Variants in RHOBTB1 observed in about 807,000 individuals in gnomAD.
The protein encoded by RHOBTB1 is Rho related BTB domain containing 1.
In RHOBTB1, 40 loss-of-function variants were observed where a neutral mutation model predicts 71.6. That is an observed-to-expected ratio of 0.56 (90% CI 0.43 to 0.73). RHOBTB1 has a LOEUF of 0.73. RHOBTB1 is among the 30% of genes least tolerant of loss of function. The pLI, the probability that RHOBTB1 is intolerant of heterozygous loss-of-function variation, is 0.00. For synonymous variants in RHOBTB1, 319 were observed against 334.9 expected (o/e 0.95, Z 0.52); for missense variants, 797 against 894.0 (o/e 0.89, Z 1.38).
intron 2 of RHOBTB1, among the ~76,000 whole-genome samples, chr10:60,936,339 T>C (rs1255725573): frequency 6.6e-6 from 1 of 152,264 alleles, no homozygotes; most frequent in Non-Finnish European, 1.5e-5. Context: ...ATTGAATTTA[T>C]AATATCAAGT....
intron 4 of RHOBTB1, among the ~76,000 whole-genome samples, chr10:60,896,374 G>A (rs1279241466): frequency 6.6e-6 from 1 of 152,208 alleles, no homozygotes; most frequent in African/African-American, 2.4e-5. Context: ...CAGGCAGTAG[G>A]GTTAGTCTAG....
At chr10:60,969,168 T>A (rs971677928) in intron 2 of RHOBTB1, among the ~76,000 whole-genome samples, 2 of 152,044 alleles carry the variant, frequency 1.3e-5, no homozygotes, top group Non-Finnish European at 2.9e-5. Flanking sequence ...GTAACATTAA[T>A]GGAAATAGAT....
chr10:60,982,440 C>T (rs2086529672), intron 2 of RHOBTB1, among the ~76,000 whole-genome samples: 1 of 152,152 alleles, frequency 6.6e-6, no homozygotes, highest in South Asian at 2.1e-4. Context: ...GTGCTCATTG[C>T]ATATATTACT....
At chr10:60,968,564 C>A (rs1336996090) in intron 2 of RHOBTB1, among the ~76,000 whole-genome samples, 4 of 152,052 alleles carry the variant, frequency 2.6e-5, no homozygotes, top group Admixed American at 6.6e-5. Context: ...CTTTGAGGAG[C>A]TGCAGAAAGC....
intron 1 of RHOBTB1, among the ~76,000 whole-genome samples, chr10:60,943,060 C>T (rs1210534501): frequency 1.3e-5 from 2 of 152,192 alleles, no homozygotes; most frequent in African/African-American, 2.4e-5. Context: ...TTTCCTAGAT[C>T]TGGGTGCCTC....
chr10:60,945,801 A>C (rs1232020912), upstream of RHOBTB1, among the ~76,000 whole-genome samples: 1 of 152,220 alleles, frequency 6.6e-6, no homozygotes, highest in Admixed American at 6.5e-5. Flanking sequence ...CTTTGATATC[A>C]GAAAGAGAGG....
chr10:60,883,974 C>T (rs1439943877), intron 7 of RHOBTB1, among the ~76,000 whole-genome samples: 4 of 152,164 alleles, frequency 2.6e-5, no homozygotes, highest in African/African-American at 9.6e-5. Context: ...CACCTTTGAC[C>T]CAAGCTCAGG....
At chr10:60,978,430 GT>G (rs1343194664) in intron 2 of RHOBTB1, among the ~76,000 whole-genome samples, 1 of 152,186 alleles carries the variant, frequency 6.6e-6, no homozygotes, top group African/African-American at 2.4e-5. Context: ...TCAAGTGGAA[GT>G]TATTAACATG....
At chr10:60,879,094 A>T (rs187970293) in intron 7 of RHOBTB1, among the ~76,000 whole-genome samples, 174 of 152,318 alleles carry the variant, frequency 1.1e-3, no homozygotes, top group African/African-American at 4.0e-3. Context: ...ACAGAAAAGG[A>T]AATGGAGGTT....
At chr10:60,988,098 AT>A (rs1191761576) in intron 1 of RHOBTB1, among the ~76,000 whole-genome samples, 3 of 148,916 alleles carry the variant, frequency 2.0e-5, no homozygotes, top group Non-Finnish European at 1.5e-5. Context: ...CGCCCGGCTA[AT>A]TTTTTTTTGT....
At chr10:60,864,442 C>T (rs77272390), downstream of RHOBTB1, among the ~76,000 whole-genome samples, 27,530 of 151,982 alleles carry the variant, frequency 0.18, 2,791 homozygotes, top group African/African-American at 0.27. Context: ...TTGAATAAAA[C>T]GGAAACATTT....
At chr10:60,995,841 C>G (rs776651303) in intron 1 of RHOBTB1, among the ~76,000 whole-genome samples, 2 of 151,164 alleles carry the variant, frequency 1.3e-5, no homozygotes, top group East Asian at 3.9e-4. Context: ...TCACTTCCCC[C>G]AAGATAAAAA....
At chr10:60,871,793 T>C in intron 10 of RHOBTB1, 142 bp from the exon 11 acceptor site, 1 of 731,582 alleles carries the variant, frequency 1.4e-6, no homozygotes. Context: ...TTGCAAAAGG[T>C]GACACTAACG....
downstream of RHOBTB1, among the ~76,000 whole-genome samples, chr10:60,865,323 A>G (rs1438841816): frequency 2.0e-5 from 3 of 152,236 alleles, no homozygotes; most frequent in African/African-American, 7.2e-5. Context: ...CAATCTCACT[A>G]GGGAATTTTT....
intron 2 of RHOBTB1, among the ~76,000 whole-genome samples, chr10:60,965,182 A>T (rs2134581041): frequency 6.6e-6 from 1 of 152,194 alleles, no homozygotes; most frequent in South Asian, 2.1e-4. Context: ...ATATTATAGC[A>T]GCATATTTTG....
At chr10:60,972,172 A>C (rs2086179597) in intron 2 of RHOBTB1, among the ~76,000 whole-genome samples, 1 of 152,226 alleles carries the variant, frequency 6.6e-6, no homozygotes, top group Non-Finnish European at 1.5e-5. Flanking sequence ...CATTTGACCC[A>C]GCAATCCCAT....
intron 1 of RHOBTB1, among the ~76,000 whole-genome samples, chr10:60,992,164 A>C (rs1201063054): frequency 1.3e-5 from 2 of 152,172 alleles, no homozygotes; most frequent in East Asian, 3.9e-4. Flanking sequence ...GGGGTCAGTC[A>C]CAAGAGCATT....
intron 7 of RHOBTB1, among the ~76,000 whole-genome samples, chr10:60,883,793 A>G (rs1716947008): frequency 6.6e-6 from 1 of 152,116 alleles, no homozygotes; most frequent in South Asian, 2.1e-4. Flanking sequence ...ACACCCCACA[A>G]CCACAGTATG....
chr10:60,894,061 T>C (rs1430567312), intron 4 of RHOBTB1, among the ~76,000 whole-genome samples: 1 of 152,246 alleles, frequency 6.6e-6, no homozygotes, highest in Non-Finnish European at 1.5e-5. Context: ...TTACTGTTTA[T>C]GTAATGAGAA....
Sources: allele counts gnomAD v4.1 joint callset (sites outside exome capture counted in the v4.1 genomes callset), GRCh38; gene constraint gnomAD v4.1.1; transcripts MANE v1.5; gene names NCBI Gene and HGNC (gene_info 2026-07-23, HGNC 2026-07-21).